SUCLA2: variants seen among roughly 807,000 people sequenced by gnomAD.
SUCLA2 encodes succinate--CoA ligase [ADP-forming] subunit beta, mitochondrial.
Under a neutral mutation model 54.8 loss-of-function variants are expected in SUCLA2, and 30 were observed. That is an observed-to-expected ratio of 0.55 (90% CI 0.41 to 0.74). The LOEUF (loss-of-function observed/expected upper bound fraction) is 0.74. Among genes scored for constraint, SUCLA2 ranks in the 30% least tolerant of loss-of-function variants. The probability of loss-of-function intolerance (pLI) is 0.00; values close to 1 mark genes in which losing one functional copy is unlikely to be tolerated. For synonymous variants in SUCLA2, 172 were observed against 188.9 expected (o/e 0.91, Z 0.74); for missense variants, 476 against 562.9 (o/e 0.85, Z 1.56).
intron 6 of SUCLA2, among the ~76,000 whole-genome samples, chr13:47,958,118 G>C (rs953595442): frequency 2.6e-5 from 4 of 152,210 alleles, no homozygotes; most frequent in African/African-American, 9.7e-5. Flanking sequence ...AGCCTGGTTA[G>C]TATGTGATGT....
At position 47,996,874 on chromosome 13, in the gene SUCLA2, T is replaced by G. The variant is rs757232771; in HGVS notation, c.240A>C (p.Pro80=). ...TTTTGGCAATTGCATAAGCTTCATC[T>G]GGTGACTTTGCCACATATCCTTTGG... is the stretch of plus-strand genomic sequence containing the variant. ...SVPKGYVAKS[P]DEAYAIAKKL... The change falls in exon 2 of 11, where the codon CCA becomes CCC. Residue 80 remains proline (P), a synonymous_variant. Coordinates refer to ENST00000646932, the MANE Select transcript of SUCLA2 (RefSeq NM_003850.3). 1 of 1,613,846 alleles carries G rather than the reference T, an allele frequency of 6.2e-7. No individual in the cohort carries two copies. Among genetic ancestry groups the G allele is most frequent in the East Asian group, 2.2e-5 (1 of 44,872 alleles).
At chr13:47,973,484 A>C in intron 4 of SUCLA2, 92 bp from the exon 5 acceptor site, 1 of 1,413,736 alleles carries the variant, frequency 7.1e-7, no homozygotes, top group Admixed American at 1.7e-5. Flanking sequence ...ATCAGATGTA[A>C]GCATCTATTA....
chr13:47,994,567 CA>C (rs777506622), intron 2 of SUCLA2, among the ~76,000 whole-genome samples: 381 of 44,848 alleles, frequency 8.5e-3, no homozygotes, highest in African/African-American at 0.02. Context: ...GACTCCGTCT[CA>C]AAAAAAAAAA....
intron 6 of SUCLA2, among the ~76,000 whole-genome samples, chr13:47,966,106 T>C (rs1282060851): frequency 6.6e-6 from 1 of 152,168 alleles, no homozygotes; most frequent in Non-Finnish European, 1.5e-5. Context: ...TCCAACTTAC[T>C]CTTAATGGTT....
At chr13:47,996,540 T>C (rs1593505445) in intron 2 of SUCLA2, among the ~76,000 whole-genome samples, 1 of 151,832 alleles carries the variant, frequency 6.6e-6, no homozygotes, top group Non-Finnish European at 1.5e-5. Context: ...AGCTCCAGAG[T>C]AGTTAGAGTG....
intron 4 of SUCLA2, among the ~76,000 whole-genome samples, chr13:47,984,402 CTG>C (rs977901655): frequency 1.3e-5 from 2 of 151,558 alleles, no homozygotes; most frequent in African/African-American, 4.9e-5. Context: ...CAGTGTTTCA[CTG>C]TGTTAGCCAG....
intron 5 of SUCLA2, among the ~76,000 whole-genome samples, chr13:47,970,107 C>T (rs1005035125): frequency 8.4e-5 from 6 of 71,736 alleles, no homozygotes; most frequent in Non-Finnish European, 1.4e-4. Context: ...GTCTCCCCCC[C>T]ACAAAAAAAA....
At chr13:47,950,442 T>C (rs1241731140) in intron 8 of SUCLA2, among the ~76,000 whole-genome samples, 1 of 152,164 alleles carries the variant, frequency 6.6e-6, no homozygotes, top group Admixed American at 6.5e-5. Flanking sequence ...TGGGGGTACA[T>C]ATGCATAGAC....
intron 10 of SUCLA2, among the ~76,000 whole-genome samples, chr13:47,947,425 G>A (rs990092180): frequency 3.9e-5 from 6 of 151,992 alleles, no homozygotes; most frequent in Non-Finnish European, 7.4e-5. Flanking sequence ...AAATAATCAG[G>A]TAATTATCCT....
At chr13:47,995,887 G>C (rs1017218624) in intron 2 of SUCLA2, among the ~76,000 whole-genome samples, 1 of 151,660 alleles carries the variant, frequency 6.6e-6, no homozygotes, top group African/African-American at 2.4e-5. Context: ...AGCTATTAAG[G>C]CTTCTGTTAT....
intron 6 of SUCLA2, among the ~76,000 whole-genome samples, chr13:47,967,307 A>C (rs1949926968): frequency 6.6e-6 from 1 of 152,146 alleles, no homozygotes. Flanking sequence ...AAAGAAAATA[A>C]AGTTCTCACT....
intron 8 of SUCLA2, among the ~76,000 whole-genome samples, chr13:47,952,374 C>T (rs1949783012): frequency 6.6e-6 from 1 of 152,098 alleles, no homozygotes; most frequent in South Asian, 2.1e-4. Flanking sequence ...GATCACCTCA[C>T]CAACTCCTAA....
intron 10 of SUCLA2, among the ~76,000 whole-genome samples, chr13:47,947,229 C>T (rs1251458022): frequency 2.0e-4 from 30 of 151,664 alleles, no homozygotes; most frequent in Admixed American, 2.0e-3. Flanking sequence ...AACAGTATGC[C>T]AGTGGAACAC....
At chr13:47,963,069 T>C (rs576792697) in intron 6 of SUCLA2, among the ~76,000 whole-genome samples, 6 of 152,266 alleles carry the variant, frequency 3.9e-5, no homozygotes, top group East Asian at 1.9e-4. Flanking sequence ...GTCAGGGAGA[T>C]AGATTTGAGA....
chr13:47,953,916 A>G (rs1394860839), intron 8 of SUCLA2, among the ~76,000 whole-genome samples: 2 of 152,132 alleles, frequency 1.3e-5, no homozygotes, highest in Non-Finnish European at 2.9e-5. Context: ...AAATTATGGC[A>G]CATCTATAAT....
chr13:47,947,274 T>TAC (rs34458960), intron 10 of SUCLA2, among the ~76,000 whole-genome samples: 9,057 of 144,842 alleles, frequency 0.063, 362 homozygotes, highest in Admixed American at 0.13. Flanking sequence ...ACACGCACAA[T>TAC]ACACACACAC....
intron 2 of SUCLA2, among the ~76,000 whole-genome samples, chr13:47,992,541 C>T (rs967977609): frequency 2.0e-5 from 3 of 152,206 alleles, no homozygotes; most frequent in Non-Finnish European, 2.9e-5. Context: ...CATCTACATA[C>T]CAGACACTGT....
intron 6 of SUCLA2, among the ~76,000 whole-genome samples, chr13:47,957,959 T>C (rs1479488608): frequency 6.6e-5 from 10 of 152,160 alleles, no homozygotes; most frequent in Non-Finnish European, 1.5e-4. Context: ...CATATAGTCA[T>C]GAGAAATTAG....
intron 4 of SUCLA2, chr13:47,987,796 T>G (rs988209372): frequency 1.3e-5 from 2 of 152,120 alleles, no homozygotes; most frequent in African/African-American, 4.8e-5. Context: ...ATGAAATCCG[T>G]ACTGGGGCTT....
Sources: allele counts gnomAD v4.1 joint callset (sites outside exome capture counted in the v4.1 genomes callset), GRCh38; gene constraint gnomAD v4.1.1; transcripts MANE v1.5; gene names NCBI Gene and HGNC (gene_info 2026-07-23, HGNC 2026-07-21).